The following KIAA1549L variants were observed in gnomAD, a reference collection of about 807,000 sequenced individuals.
The protein encoded by KIAA1549L is UPF0606 protein KIAA1549L.
Under a neutral mutation model 160.7 loss-of-function variants are expected in KIAA1549L, and 88 were observed. That is an observed-to-expected ratio of 0.55 (90% CI 0.46 to 0.65). The LOEUF (loss-of-function observed/expected upper bound fraction) is 0.65, where lower values mean the gene tolerates loss of function less well. Among genes scored for constraint, KIAA1549L ranks in the 30% least tolerant of loss-of-function variants. KIAA1549L has a pLI of 0.00. For synonymous variants in KIAA1549L, 950 were observed against 976.7 expected, an observed-to-expected ratio of 0.97 and a Z score of 0.51; for missense variants, 2,258 against 2,437.5, an observed-to-expected ratio of 0.93 and a Z score of 1.55.
At chr11:33,455,606 T>C (rs1257189059) in intron 1 of KIAA1549L, among the ~76,000 whole-genome samples, 1 of 152,214 alleles carries the variant, frequency 6.6e-6, no homozygotes, top group Non-Finnish European at 1.5e-5. Flanking sequence ...ATTAGAATCA[T>C]AGAAAAATAC....
At chr11:33,384,413 G>A (rs1850132040) in intron 1 of KIAA1549L, among the ~76,000 whole-genome samples, 1 of 152,244 alleles carries the variant, frequency 6.6e-6, no homozygotes. Context: ...TGACATGGAA[G>A]TCTTTCTGTG....
At chr11:33,585,089 C>T (rs968655248) in intron 11 of KIAA1549L, among the ~76,000 whole-genome samples, 5 of 152,210 alleles carry the variant, frequency 3.3e-5, no homozygotes, top group East Asian at 1.9e-4. Flanking sequence ...ATACTGTCTA[C>T]TGAAGAGCCA....
chr11:33,617,789 G>GGA (rs1564926409), intron 15 of KIAA1549L, among the ~76,000 whole-genome samples: 6 of 148,932 alleles, frequency 4.0e-5, no homozygotes, highest in African/African-American at 1.2e-4. Flanking sequence ...GGAAGCCTCG[G>GGA]TGGATGGATG....
At chr11:33,614,803 G>T (rs188190354) in intron 15 of KIAA1549L, among the ~76,000 whole-genome samples, 29 of 150,024 alleles carry the variant, frequency 1.9e-4, no homozygotes, top group African/African-American at 7.1e-4. Context: ...AATAGAGACG[G>T]GGTTTCACCA....
At chr11:33,644,104 T>C (rs1225392498) in intron 16 of KIAA1549L, among the ~76,000 whole-genome samples, 1 of 152,226 alleles carries the variant, frequency 6.6e-6, no homozygotes, top group Non-Finnish European at 1.5e-5. Context: ...CTTGCTCTTA[T>C]TAGTATAAAA....
intron 1 of KIAA1549L, among the ~76,000 whole-genome samples, chr11:33,504,834 A>G (rs964558443): frequency 6.6e-6 from 1 of 152,106 alleles, no homozygotes; most frequent in Non-Finnish European, 1.5e-5. Flanking sequence ...TGGTGCAATT[A>G]TGGCTCACTG....
intron 9 of KIAA1549L, among the ~76,000 whole-genome samples, chr11:33,569,770 C>A (rs1448095320): frequency 6.6e-6 from 1 of 152,136 alleles, no homozygotes. Context: ...GTTAAGCTTG[C>A]GTGTCAGGTT....
intron 1 of KIAA1549L, 78 bp from the exon 2 acceptor site, chr11:33,541,724 C>T (rs1489617727): frequency 9.9e-6 from 2 of 202,602 alleles, no homozygotes; most frequent in East Asian, 2.3e-4. Context: ...CTTGCACACA[C>T]CTTTGTCTCC....
chr11:33,644,595 A>G (rs1851667860), intron 16 of KIAA1549L, among the ~76,000 whole-genome samples: 1 of 152,236 alleles, frequency 6.6e-6, no homozygotes, highest in African/African-American at 2.4e-5. Flanking sequence ...TTTAATCCTT[A>G]TAAAAGCCTT....
In KIAA1549L at chr11:33,667,982, T is replaced by A. The variant is rs1440375534; in HGVS notation, c.6269T>A (p.Leu2090Gln). The A allele has an allele frequency of 1.2e-6, 2 of 1,613,796 alleles. No individual in the cohort carries two copies. Among genetic ancestry groups the A allele is most frequent in the Non-Finnish European group, 1.7e-6 (2 of 1,179,900 alleles). ...YSQPANLHPS[L>Q]EQAPAPSTAA... is the part of the protein sequence containing the mutation. ...CAGCCAGCCAACCTGCACCCCAGCC[T>A]GGAGCAGGCCCCGGCGCCCTCCACA... Residue 2090 changes from leucine (L) to glutamine (Q), a missense_variant, in exon 21 of 21, where the codon CTG (leucine) becomes CAG (glutamine). Leu to Gln is a moderately radical substitution (Grantham distance 113, BLOSUM62 -2). Transcript: ENST00000658780.
chr11:33,435,652 T>C (rs1208909187), intron 1 of KIAA1549L, among the ~76,000 whole-genome samples: 2 of 149,814 alleles, frequency 1.3e-5, no homozygotes. Flanking sequence ...TATTGAAGAT[T>C]TACCATGTGC....
chr11:33,638,261 A>T (rs1851490646), intron 16 of KIAA1549L, among the ~76,000 whole-genome samples: 1 of 152,056 alleles, frequency 6.6e-6, no homozygotes, highest in Non-Finnish European at 1.5e-5. Context: ...TTTTTCAGTC[A>T]ATATTCAGCT....
At chr11:33,432,314 A>G (rs1025597318) in intron 1 of KIAA1549L, among the ~76,000 whole-genome samples, 3 of 152,242 alleles carry the variant, frequency 2.0e-5, no homozygotes, top group Admixed American at 2.0e-4. Flanking sequence ...TCTCAGCACT[A>G]GGGAAATCTC....
chr11:33,627,950 G>A (rs1362990909), intron 16 of KIAA1549L, among the ~76,000 whole-genome samples: 1 of 151,500 alleles, frequency 6.6e-6, no homozygotes, highest in Non-Finnish European at 1.5e-5. Flanking sequence ...TCTACACACT[G>A]CTTTGAATGC....
At chr11:33,597,671 C>T (rs1590382034) in intron 12 of KIAA1549L, among the ~76,000 whole-genome samples, 1 of 152,306 alleles carries the variant, frequency 6.6e-6, no homozygotes, top group South Asian at 2.1e-4. Context: ...ATGAGGGAGG[C>T]TTTCTGGATC....
rs762473644 is a variant in KIAA1549L at position 33,544,367 on chromosome 11, C to T, written c.2773+31C>T. On this transcript the variant is annotated intron_variant, in intron 2 of 20. Transcript: ENST00000658780. ...GCCACTAATGCAGGTAGTTTGTTTC[C>T]CGGTACCCCCAAAACAGGCATGACT... 6.2e-6 allele frequency: 10 copies of T among 1,606,030 alleles called. No individual in the cohort carries two copies. In the East Asian group the frequency reaches 1.6e-4, roughly 25 times the overall value.
At chr11:33,521,706 A>G (rs1853498599) in intron 1 of KIAA1549L, among the ~76,000 whole-genome samples, 2 of 152,180 alleles carry the variant, frequency 1.3e-5, no homozygotes, top group Admixed American at 1.3e-4. Context: ...CCTCTCTTAG[A>G]CAAGAAAGTT....
chr11:33,422,884 T>C (rs1019997877), intron 1 of KIAA1549L, among the ~76,000 whole-genome samples: 16 of 152,262 alleles, frequency 1.1e-4, no homozygotes, highest in African/African-American at 3.9e-4. Flanking sequence ...TTATGGCTGT[T>C]GTGTATGTGA....
chr11:33,396,873 CT>C (rs1286828909), intron 1 of KIAA1549L, among the ~76,000 whole-genome samples: 1 of 150,688 alleles, frequency 6.6e-6, no homozygotes, highest in Non-Finnish European at 1.5e-5. Flanking sequence ...TTGTTTGAAC[CT>C]GGGAGGCAGA....
Sources: gnomAD v4.1 joint callset for allele counts (sites outside exome capture counted in the v4.1 genomes callset) on GRCh38, gnomAD v4.1.1 for gene constraint, MANE v1.5 for transcripts, NCBI Gene and HGNC (gene_info 2026-07-23, HGNC 2026-07-21) for gene names.